Variants in CDK20 observed in about 807,000 individuals in gnomAD.
CDK20 encodes cyclin dependent kinase 20.
In CDK20, 40 loss-of-function variants were observed where a neutral mutation model predicts 38.6. The observed-to-expected ratio is 1.04, with a 90% CI of 0.81 to 1.35. CDK20 has a LOEUF of 1.35. Among genes scored for constraint, CDK20 ranks in the 40% most tolerant of loss-of-function variants. The pLI, the probability that CDK20 is intolerant of heterozygous loss-of-function variation, is 0.00. For synonymous variants in CDK20, 209 were observed against 185.7 expected (o/e 1.13, Z -1.02); for missense variants, 512 against 452.6 (o/e 1.13, Z -1.19).
At chr9:87,971,971 A>G (rs1000098900) in intron 2 of CDK20, among the ~76,000 whole-genome samples, 8 of 152,234 alleles carry the variant, frequency 5.3e-5, no homozygotes, top group Non-Finnish European at 1.2e-4. Flanking sequence ...TGAGAGGCCA[A>G]GGTGGGCGGA....
At chr9:87,969,380 G>A (rs1004798923) in intron 6 of CDK20, 31 bp from the exon 7 acceptor site, 3 of 1,610,642 alleles carry the variant, frequency 1.9e-6, no homozygotes, top group African/African-American at 1.3e-5. Context: ...AGGGTACAAT[G>A]AGAGTAGTTC....
chr9:87,970,205 T>A (rs781521613), intron 5 of CDK20: 2 of 441,812 alleles, frequency 4.5e-6, no homozygotes, highest in Non-Finnish European at 7.9e-6. Context: ...GCCAACTATC[T>A]TCTTGCTGCA....
At position 87,970,970 on chromosome 9, in the gene CDK20, C is replaced by T. The variant is rs150818114; in HGVS notation, c.379-73G>A. On this transcript the variant is annotated intron_variant, in intron 3 of 7. Coordinates refer to ENST00000325303, the MANE Select transcript of CDK20 (RefSeq NM_001039803.3). ...CCTTGGGACAAGCGGGCTTGGCAGT[C>T]TAACCACTCAGGTCAGCCCCGGTCC... 2.5e-4 allele frequency: 402 copies of T among 1,596,042 alleles called. 1 individual carries two copies. In the African/African-American group the frequency reaches 4.8e-3, roughly 19 times the overall value.
rs1295943987 is a variant in CDK20, at chr9:87,967,346, G to A, written c.*116C>T. 4 of 998,922 alleles carry A rather than the reference G, an allele frequency of 4.0e-6. No homozygotes were observed. The highest frequency in any genetic ancestry group is 2.0e-4 in the Middle Eastern group (1 of 4,962). 61.9% of individuals were successfully genotyped at this position (998,922 alleles called of 1,614,324 possible). A position where few individuals can be genotyped will look rare whatever the true frequency, so the allele number is the denominator to read the frequency against. ...CGCAAGGGCTAAGGGGCAGGGTGTGGTGTGGGCCCACTGTGGCCATGGGGA... is the reference window on the plus strand; with the variant it reads ...CGCAAGGGCTAAGGGGCAGGGTGTGATGTGGGCCCACTGTGGCCATGGGGA... On this transcript the variant is annotated 3_prime_UTR_variant, in exon 8 of 8. Coordinates refer to ENST00000325303, the MANE Select transcript of CDK20 (RefSeq NM_001039803.3).
intron 4 of CDK20, 44 bp from the exon 5 acceptor site, chr9:87,970,674 GC>G (rs1829782442): frequency 6.2e-7 from 1 of 1,613,334 alleles, no homozygotes; most frequent in African/African-American, 1.3e-5. Flanking sequence ...AGAAAAGGAT[GC>G]CTGGGGAGGT....
chr9:87,969,734 A>ACTTG, intron 6 of CDK20, 62 bp downstream of exon 6: 5 of 1,607,534 alleles, frequency 3.1e-6, no homozygotes, highest in Non-Finnish European at 4.3e-6. Context: ...GGGAGTGGTT[A>ACTTG]CTTGCTGTTG....
intron 6 of CDK20, 197 bp downstream of exon 6, chr9:87,969,599 G>T: frequency 1.1e-6 from 1 of 880,870 alleles, no homozygotes; most frequent in Non-Finnish European, 1.7e-6. Context: ...GGGTGAAAAG[G>T]GACAAAGGAC....
chr9:87,970,126 G>T (rs905008798), intron 5 of CDK20: 52 of 509,698 alleles, frequency 1.0e-4, no homozygotes, highest in Non-Finnish European at 1.6e-4. Context: ...ACTTCTCGGA[G>T]ACTCCTGCTC....
At chr9:87,971,057 A>G (rs991870570) in intron 3 of CDK20, 90 bp downstream of exon 3, 10 of 1,515,484 alleles carry the variant, frequency 6.6e-6, no homozygotes, top group African/African-American at 5.5e-5. Context: ...CTCTGTCCCA[A>G]CTTCTTATCA....
chr9:87,968,873 T>A (rs1037330822), intron 7 of CDK20: 7 of 351,946 alleles, frequency 2.0e-5, no homozygotes, highest in African/African-American at 6.1e-5. Flanking sequence ...CCCCAGTGAC[T>A]CTCTTACTGT....
At chr9:87,971,836 C>T (rs925286533) in intron 2 of CDK20, among the ~76,000 whole-genome samples, 5 of 152,080 alleles carry the variant, frequency 3.3e-5, no homozygotes, top group South Asian at 2.1e-4. Context: ...AATGAACTCA[C>T]AGCACAAAGG....
Position 87,967,088 on chromosome 9 carries a change from C to T in CDK20, c.*374G>A. 1.8e-6 allele frequency: 1 copy of T among 548,812 alleles called. No homozygotes were observed. Among genetic ancestry groups the T allele is most frequent in the Non-Finnish European group, 3.6e-6 (1 of 279,938 alleles). 34.0% of individuals were successfully genotyped at this position (548,812 alleles called of 1,614,324 possible). On this transcript the variant is annotated 3_prime_UTR_variant, in exon 8 of 8. Coordinates refer to ENST00000325303, the MANE Select transcript of CDK20 (RefSeq NM_001039803.3). Reference sequence around the variant, plus strand: ...GTTTCCAACATAAGGACACCTTACTCTCTGCACTTCTCCTTGACCAGGAGG... The same window carrying T: ...GTTTCCAACATAAGGACACCTTACTTTCTGCACTTCTCCTTGACCAGGAGG...
At chr9:87,971,639 C>G (rs1304301569) in intron 2 of CDK20, among the ~76,000 whole-genome samples, 1 of 152,172 alleles carries the variant, frequency 6.6e-6, no homozygotes, top group Non-Finnish European at 1.5e-5. Context: ...TCTGGATGGT[C>G]ACACATGAGA....
chr9:87,969,616 T>C, intron 6 of CDK20, 180 bp downstream of exon 6: 1 of 996,852 alleles, frequency 1.0e-6, no homozygotes, highest in Non-Finnish European at 1.5e-6. Flanking sequence ...GGACAGGATC[T>C]ACCCCAACCC....
chr9:87,969,070 G>T, intron 7 of CDK20, 124 bp downstream of exon 7: 1 of 1,168,634 alleles, frequency 8.6e-7, no homozygotes, highest in Non-Finnish European at 1.2e-6. Context: ...TCTGGTGCTG[G>T]TCCATGCCAA....
At chr9:87,970,699 C>A (rs1208918295) in intron 4 of CDK20, 69 bp from the exon 5 acceptor site, 1 of 1,612,628 alleles carries the variant, frequency 6.2e-7, no homozygotes, top group East Asian at 2.2e-5. Context: ...CCCAGCCCCA[C>A]AAGCAATGTC....
intron 6 of CDK20, chr9:87,969,571 C>A: frequency 1.3e-6 from 1 of 774,816 alleles, no homozygotes; most frequent in South Asian, 1.8e-5. Flanking sequence ...TGCTGAGACA[C>A]TGCACATGTG....
chr9:87,967,917 T>C, intron 7 of CDK20: 1 of 403,262 alleles, frequency 2.5e-6, no homozygotes, highest in Non-Finnish European at 4.4e-6. Flanking sequence ...GTATGTCAGA[T>C]AATGATTAGT....
chr9:87,970,413 A>G (rs1410984558), intron 5 of CDK20, 155 bp downstream of exon 5: 2 of 680,448 alleles, frequency 2.9e-6, no homozygotes, highest in Non-Finnish European at 4.9e-6. Context: ...AGGAACCCCA[A>G]CCCCAAAGTG....
Sources: allele counts gnomAD v4.1 joint callset (sites outside exome capture counted in the v4.1 genomes callset), GRCh38; gene constraint gnomAD v4.1.1; transcripts MANE v1.5; gene names NCBI Gene and HGNC (gene_info 2026-07-23, HGNC 2026-07-21).